TRAPPC9: variants seen among roughly 807,000 people sequenced by gnomAD.
The protein encoded by TRAPPC9 is trafficking protein particle complex subunit 9, also known as IKK2 binding protein.
Under a neutral mutation model 124.0 loss-of-function variants are expected in TRAPPC9, and 83 were observed. The ratio of observed to expected loss-of-function variants is 0.67; its 90% confidence interval spans 0.56 to 0.80. The LOEUF is 0.80. Among genes scored for constraint, TRAPPC9 ranks in the 30% least tolerant of loss-of-function variants. TRAPPC9 has a pLI of 0.00. For missense variants in TRAPPC9, 1,302 were observed against 1,508.3 expected, an observed-to-expected ratio of 0.86 and a Z score of 2.27; for synonymous variants, 638 against 617.5, an observed-to-expected ratio of 1.03 and a Z score of -0.49.
At chr8:139,809,387 C>T (rs1023016191) in intron 21 of TRAPPC9, among the ~76,000 whole-genome samples, 2 of 151,992 alleles carry the variant, frequency 1.3e-5, no homozygotes, top group African/African-American at 2.4e-5. Flanking sequence ...GAGGAGACTG[C>T]GAACTGAGGA....
chr8:140,377,450 C>T (rs1016283885), intron 7 of TRAPPC9, among the ~76,000 whole-genome samples: 4 of 152,152 alleles, frequency 2.6e-5, no homozygotes, highest in Non-Finnish European at 5.9e-5. Context: ...AGGTGCCCGA[C>T]GCCACACCCG....
intron 14 of TRAPPC9, among the ~76,000 whole-genome samples, chr8:140,281,584 G>A (rs1163378451): frequency 6.6e-5 from 10 of 152,138 alleles, no homozygotes; most frequent in East Asian, 3.8e-4. Context: ...CTTTGGAAGC[G>A]TAAAAGCTTT....
At chr8:139,978,284 A>G (rs1337892107) in intron 19 of TRAPPC9, among the ~76,000 whole-genome samples, 1 of 152,224 alleles carries the variant, frequency 6.6e-6, no homozygotes, top group Non-Finnish European at 1.5e-5. Context: ...TGAACAGTCA[A>G]CCTGCACATT....
intron 19 of TRAPPC9, among the ~76,000 whole-genome samples, chr8:139,981,116 C>A (rs941087440): frequency 1.3e-5 from 2 of 152,204 alleles, no homozygotes; most frequent in Non-Finnish European, 1.5e-5. Context: ...ACGTTCCTTC[C>A]CTCTGCCTAT....
chr8:140,309,640 T>C (rs2066236181), intron 10 of TRAPPC9, among the ~76,000 whole-genome samples: 4 of 152,242 alleles, frequency 2.6e-5, no homozygotes, highest in Admixed American at 2.6e-4. Context: ...AAATATAAAA[T>C]TATTAAGAAA....
intron 7 of TRAPPC9, among the ~76,000 whole-genome samples, chr8:140,377,447 C>G (rs1035323464): frequency 6.6e-6 from 1 of 152,024 alleles, no homozygotes; most frequent in Non-Finnish European, 1.5e-5. Flanking sequence ...TACAGGTGCC[C>G]GACGCCACAC....
At chr8:139,942,548 G>A (rs1202546482) in intron 19 of TRAPPC9, among the ~76,000 whole-genome samples, 2 of 152,224 alleles carry the variant, frequency 1.3e-5, no homozygotes, top group African/African-American at 2.4e-5. Flanking sequence ...CAGATAAACT[G>A]GGGAAGCGTG....
intron 17 of TRAPPC9, among the ~76,000 whole-genome samples, chr8:140,128,837 T>A (rs773021090): frequency 7.2e-5 from 11 of 152,154 alleles, no homozygotes; most frequent in Admixed American, 3.9e-4. Context: ...GGCCTGCACA[T>A]GGGAGATCTT....
intron 18 of TRAPPC9, among the ~76,000 whole-genome samples, chr8:139,997,461 T>C (rs758383143): frequency 6.9e-6 from 1 of 145,716 alleles, no homozygotes; most frequent in Non-Finnish European, 1.5e-5. Flanking sequence ...GAGGAGACAA[T>C]ATATCCCACA....
intron 17 of TRAPPC9, among the ~76,000 whole-genome samples, chr8:140,153,573 G>C (rs1055007790): frequency 6.6e-6 from 1 of 151,992 alleles, no homozygotes; most frequent in Non-Finnish European, 1.5e-5. Flanking sequence ...TAAAGGCATT[G>C]TCTCTGCCTT....
In TRAPPC9 at chr8:140,283,317, C is replaced by T. The variant is rs868051075; in HGVS notation, c.2114+572G>A. Among the ~76,000 whole-genome samples the T allele has an allele frequency of 5.6e-4, 46 of 82,226 alleles. No individual in the cohort carries two copies. The Middle Eastern group carries it at 0.037, about 67-fold the overall frequency. The allele number at this position is 82,226 out of a possible 152,430, so 53.9% of individuals were successfully genotyped here. ...TCCTTTTTTTTTTTTTTTTTTGAGA[C>T]GGAGTCTCGCTCTGTCGCCCAGGCT... is the stretch of plus-strand genomic sequence containing the variant. On this transcript the variant is annotated intron_variant, in intron 14 of 22. Coordinates refer to ENST00000438773, the MANE Select transcript of TRAPPC9 (RefSeq NM_001160372.4).
At chr8:140,073,190 T>C (rs981277155) in intron 17 of TRAPPC9, among the ~76,000 whole-genome samples, 2 of 152,204 alleles carry the variant, frequency 1.3e-5, no homozygotes, top group Admixed American at 1.3e-4. Context: ...TTCTACCCCT[T>C]AATAACTCCT....
chr8:140,251,946 T>C (rs556482088), intron 16 of TRAPPC9, among the ~76,000 whole-genome samples: 1 of 152,270 alleles, frequency 6.6e-6, no homozygotes, highest in African/African-American at 2.4e-5. Flanking sequence ...GGTATTTTGT[T>C]AGGGGAGCCT....
chr8:140,452,847 G>A (rs1009342058), intron 1 of TRAPPC9, among the ~76,000 whole-genome samples: 17 of 152,120 alleles, frequency 1.1e-4, no homozygotes, highest in Non-Finnish European at 2.9e-5. Flanking sequence ...AGCTCTACAC[G>A]CACGATCTGG....
In TRAPPC9 at chr8:139,860,748, T is replaced by C. The variant is rs530825394; in HGVS notation, c.3055+25131A>G. Among the ~76,000 whole-genome samples the C allele has an allele frequency of 5.3e-5, 8 of 152,352 alleles. No individual in the cohort carries two copies. In the East Asian group the frequency reaches 1.5e-3, roughly 29 times the overall value. ...AAATCCCTCACTAAGCACAGACCAA[T>C]GCCTGTCGCCGTCCGTGGGCCCTCA... is the stretch of plus-strand genomic sequence containing the variant. On this transcript the variant is annotated intron_variant, in intron 21 of 22. Transcript: ENST00000438773.
chr8:139,809,356 A>G (rs1824277996), intron 21 of TRAPPC9, among the ~76,000 whole-genome samples: 1 of 152,240 alleles, frequency 6.6e-6, no homozygotes, highest in African/African-American at 2.4e-5. Flanking sequence ...GCATGCCTAG[A>G]GGCTGACAGT....
chr8:140,402,982 T>C (rs750494375), intron 6 of TRAPPC9, among the ~76,000 whole-genome samples: 4 of 152,194 alleles, frequency 2.6e-5, no homozygotes, highest in Non-Finnish European at 5.9e-5. Context: ...AAAAATATTT[T>C]AAATGCTAAT....
At chr8:140,311,922 G>A (rs539392153) in intron 9 of TRAPPC9, among the ~76,000 whole-genome samples, 28 of 152,312 alleles carry the variant, frequency 1.8e-4, no homozygotes, top group African/African-American at 6.5e-4. Context: ...GAGGACACAG[G>A]TGATAATCAT....
chr8:140,337,802 G>A (rs534168056), intron 9 of TRAPPC9, among the ~76,000 whole-genome samples: 13 of 152,274 alleles, frequency 8.5e-5, no homozygotes, highest in Admixed American at 6.5e-4. Context: ...AGAGGGCTGC[G>A]AGATGAACCC....
Sources: gnomAD v4.1 joint callset for allele counts (sites outside exome capture counted in the v4.1 genomes callset) on GRCh38, gnomAD v4.1.1 for gene constraint, MANE v1.5 for transcripts, NCBI Gene and HGNC (gene_info 2026-07-23, HGNC 2026-07-21) for gene names.